TNRC6A: variants seen among roughly 807,000 people sequenced by gnomAD.
TNRC6A encodes trinucleotide repeat containing adaptor 6A.
A neutral mutation model predicts 221.2 loss-of-function variants in TNRC6A; 44 were observed. The ratio of observed to expected loss-of-function variants is 0.20; its 90% CI spans 0.16 to 0.26. The LOEUF is 0.26. Ranked by LOEUF, TNRC6A falls within the 10% of genes least tolerant of loss-of-function variation. The pLI is 1.00. For synonymous variants in TNRC6A, 847 were observed against 838.5 expected (o/e 1.01, Z -0.18); for missense variants, 2,199 against 2,404.4 (o/e 0.91, Z 1.79).
intron 9 of TNRC6A, among the ~76,000 whole-genome samples, chr16:24,797,161 A>G (rs1182989171): frequency 1.3e-5 from 2 of 152,246 alleles, no homozygotes; most frequent in South Asian, 2.1e-4. Context: ...TCTAAATTAT[A>G]ACTAATCTTA....
At chr16:24,614,660 G>C (rs1477012294) in intron 1 of TNRC6A, among the ~76,000 whole-genome samples, 1 of 152,172 alleles carries the variant, frequency 6.6e-6, no homozygotes, top group African/African-American at 2.4e-5. Context: ...TGAAATTTGG[G>C]CCATATGGAA....
chr16:24,765,883 CAGGG>C (rs2057461663), intron 4 of TNRC6A, among the ~76,000 whole-genome samples: 1 of 152,042 alleles, frequency 6.6e-6, no homozygotes, highest in African/African-American at 2.4e-5. Flanking sequence ...TTTATGTACT[CAGGG>C]AGGCTATGAA....
At chr16:24,645,553 T>A (rs1902233809) in intron 2 of TNRC6A, among the ~76,000 whole-genome samples, 1 of 151,380 alleles carries the variant, frequency 6.6e-6, no homozygotes, top group South Asian at 2.1e-4. Context: ...AATTCACCAA[T>A]CCTCATGTCA....
At position 24,804,250 on chromosome 16, in the gene TNRC6A, G is replaced by C. The variant is rs773562230; in HGVS notation, c.3768G>C (p.Gly1256=). The C allele has an allele frequency of 6.2e-7, 1 of 1,613,784 alleles. No homozygotes were observed. The highest frequency in any genetic ancestry group is 1.3e-5 in the African/African-American group (1 of 75,022). ...LNIGDYNRTV[G]KGPGSRPQIS... ...TTGGTGATTACAATCGAACGGTCGGGAAAGGCCCTGGTTCTCGGCCTCAGA... is the reference window on the plus strand; with the variant it reads ...TTGGTGATTACAATCGAACGGTCGGCAAAGGCCCTGGTTCTCGGCCTCAGA... The change falls in exon 12 of 25, where the codon GGG becomes GGC. Residue 1256 remains glycine (G), a synonymous_variant. Transcript: ENST00000395799.
intron 2 of TNRC6A, among the ~76,000 whole-genome samples, chr16:24,655,538 AG>A (rs1209750094): frequency 6.6e-6 from 1 of 152,094 alleles, no homozygotes; most frequent in African/African-American, 2.4e-5. Context: ...AAAATACAAA[AG>A]TTAGCCAGGC....
At chr16:24,655,362 T>C (rs997387536) in intron 2 of TNRC6A, among the ~76,000 whole-genome samples, 3 of 152,324 alleles carry the variant, frequency 2.0e-5, no homozygotes, top group Middle Eastern at 3.4e-3. Context: ...TTTATTTTTA[T>C]TATAGGCCTT....
intron 2 of TNRC6A, among the ~76,000 whole-genome samples, chr16:24,695,545 G>A (rs898204913): frequency 2.0e-5 from 3 of 151,970 alleles, no homozygotes; most frequent in African/African-American, 4.8e-5. Context: ...GATTACAGGC[G>A]CGCACCACCA....
rs568059486 is a variant in TNRC6A at position 24,816,452 on chromosome 16, G to T, written c.4832-364G>T. The T allele has an allele frequency of 1.7e-4, 30 of 172,954 alleles. No individual in the cohort carries two copies. In the South Asian group the frequency reaches 3.3e-3, roughly 19 times the overall value. 10.7% of individuals were successfully genotyped at this position (172,954 alleles called of 1,614,324 possible). On this transcript the variant is annotated intron_variant, in intron 19 of 24. Coordinates refer to ENST00000395799, the MANE Select transcript of TNRC6A (RefSeq NM_014494.4). ...GTCCAGGAGTTCAAAGCTGCAGTGA[G>T]CTGTGATTGCACCACTACACTCCAA... is the stretch of plus-strand genomic sequence containing the variant.
At chr16:24,735,924 G>A (rs921828396) in intron 2 of TNRC6A, among the ~76,000 whole-genome samples, 1 of 152,082 alleles carries the variant, frequency 6.6e-6, no homozygotes, top group African/African-American at 2.4e-5. Context: ...CAGCACTTTG[G>A]GAGGCCGAGG....
At chr16:24,626,591 A>G (rs569240448) in intron 1 of TNRC6A, among the ~76,000 whole-genome samples, 4 of 151,490 alleles carry the variant, frequency 2.6e-5, no homozygotes, top group Non-Finnish European at 5.9e-5. Flanking sequence ...TTTTTTACAT[A>G]TACACATTCA....
intron 11 of TNRC6A, 80 bp downstream of exon 11, chr16:24,798,046 G>A: frequency 7.7e-7 from 1 of 1,298,750 alleles, no homozygotes; most frequent in Non-Finnish European, 1.1e-6. Context: ...AAAGAGCCCT[G>A]ACGTAGATCA....
At chr16:24,811,215 A>G (rs540140527) in intron 18 of TNRC6A, among the ~76,000 whole-genome samples, 1 of 152,128 alleles carries the variant, frequency 6.6e-6, no homozygotes, top group Non-Finnish European at 1.5e-5. Context: ...GCTAACCCTT[A>G]GCTGCACACT....
At chr16:24,807,878 A>G (rs1381234179) in intron 17 of TNRC6A, among the ~76,000 whole-genome samples, 2 of 152,132 alleles carry the variant, frequency 1.3e-5, no homozygotes, top group Non-Finnish European at 2.9e-5. Context: ...CCATCAGTTA[A>G]CTAGTTGTTC....
intron 1 of TNRC6A, among the ~76,000 whole-genome samples, chr16:24,632,641 G>A (rs1319944319): frequency 1.3e-5 from 2 of 152,078 alleles, no homozygotes; most frequent in African/African-American, 4.8e-5. Flanking sequence ...CACCCCCAGA[G>A]TCTTCTAAAA....
At chr16:24,731,347 G>T (rs2056636535) in intron 2 of TNRC6A, among the ~76,000 whole-genome samples, 1 of 152,078 alleles carries the variant, frequency 6.6e-6, no homozygotes, top group Non-Finnish European at 1.5e-5. Flanking sequence ...TTTGCACCGC[G>T]TAGAATTGTT....
chr16:24,696,166 G>A (rs2055855040), intron 2 of TNRC6A, among the ~76,000 whole-genome samples: 1 of 151,912 alleles, frequency 6.6e-6, no homozygotes. Flanking sequence ...GGCTAACACG[G>A]TGAAACCCCG....
intron 5 of TNRC6A, among the ~76,000 whole-genome samples, chr16:24,784,316 AT>A (rs2057920104): frequency 6.6e-6 from 1 of 151,060 alleles, no homozygotes; most frequent in Admixed American, 6.6e-5. Context: ...CTTTTTATTG[AT>A]TTTTATTTGT....
chr16:24,796,149 T>C (rs1161108911), intron 9 of TNRC6A: 3 of 482,416 alleles, frequency 6.2e-6, no homozygotes, highest in Non-Finnish European at 1.1e-5. Flanking sequence ...CAGCTTGAAT[T>C]TGGAAGATGC....
At chr16:24,635,931 G>C (rs1216726082) in intron 1 of TNRC6A, among the ~76,000 whole-genome samples, 1 of 152,184 alleles carries the variant, frequency 6.6e-6, no homozygotes, top group East Asian at 1.9e-4. Context: ...TTATTGTTAA[G>C]GATGATGCCG....
Sources: allele counts gnomAD v4.1 joint callset (sites outside exome capture counted in the v4.1 genomes callset), GRCh38; gene constraint gnomAD v4.1.1; transcripts MANE v1.5; gene names NCBI Gene and HGNC (gene_info 2026-07-23, HGNC 2026-07-21).